RABEPK: variants seen among roughly 807,000 people sequenced by gnomAD.
The protein encoded by RABEPK is Rab9 effector protein with kelch motifs, also known as 40 kDa Rab9 effector protein.
In RABEPK, 27 loss-of-function variants were observed where a neutral mutation model predicts 34.1. That is an observed-to-expected ratio of 0.79 (90% CI 0.58 to 1.09). RABEPK has a LOEUF of 1.09. Among genes scored for constraint, RABEPK ranks in the 50% least tolerant of loss-of-function variants. The pLI is 0.00. For missense variants in RABEPK, 449 were observed against 462.6 expected, an observed-to-expected ratio of 0.97 and a Z score of 0.27; for synonymous variants, 172 against 169.2, an observed-to-expected ratio of 1.02 and a Z score of -0.13.
chr9:125,230,424 C>T (rs1832084868), intron 6 of RABEPK, among the ~76,000 whole-genome samples: 1 of 152,160 alleles, frequency 6.6e-6, no homozygotes, highest in Admixed American at 6.6e-5. Flanking sequence ...CAGCTGAGGC[C>T]AGGGGACACT....
At chr9:125,222,942 GA>G (rs895481276) in intron 5 of RABEPK, among the ~76,000 whole-genome samples, 4 of 151,748 alleles carry the variant, frequency 2.6e-5, no homozygotes, top group African/African-American at 9.7e-5. Context: ...AAAGTGCTGG[GA>G]TTACAGGCAT....
At chr9:125,203,809 G>A (rs1377376880) in intron 2 of RABEPK, among the ~76,000 whole-genome samples, 3 of 151,906 alleles carry the variant, frequency 2.0e-5, no homozygotes, top group African/African-American at 4.8e-5. Context: ...AAGGCGGGTG[G>A]ATCTCCTGAG....
At chr9:125,202,983 A>G in intron 1 of RABEPK, 25 bp from the exon 2 acceptor site, 1 of 1,604,684 alleles carries the variant, frequency 6.2e-7, no homozygotes, top group Non-Finnish European at 8.5e-7. Flanking sequence ...AGTGTCTAAA[A>G]AGTGCCTTTC....
At chr9:125,216,435 G>T (rs1830930330) in intron 4 of RABEPK, among the ~76,000 whole-genome samples, 1 of 151,426 alleles carries the variant, frequency 6.6e-6, no homozygotes, top group Admixed American at 6.6e-5. Flanking sequence ...AAAAACTATT[G>T]TACAATAGTT....
Position 125,233,536 on chromosome 9 carries a change from G to T in RABEPK, c.827-152G>T, listed in dbSNP as rs558937553. Reference sequence around the variant, plus strand: ...TTTTTGTATTTTTGGTAGAGACGGGGTTTCACCGTGTTAGCCAGGATGGTC... The same window carrying T: ...TTTTTGTATTTTTGGTAGAGACGGGTTTTCACCGTGTTAGCCAGGATGGTC... On this transcript the variant is annotated intron_variant, in intron 7 of 7. Coordinates refer to ENST00000373538, the MANE Select transcript of RABEPK (RefSeq NM_005833.4). 260 of 761,640 alleles carry T rather than the reference G, an allele frequency of 3.4e-4. No individual in the cohort carries two copies. The African/African-American group carries it at 4.2e-3, about 12-fold the overall frequency. 47.2% of individuals were successfully genotyped at this position (761,640 alleles called of 1,614,324 possible).
chr9:125,208,703 T>C (rs1830400584), intron 3 of RABEPK, among the ~76,000 whole-genome samples: 1 of 152,064 alleles, frequency 6.6e-6, no homozygotes, highest in Non-Finnish European at 1.5e-5. Context: ...ACCCAGCTAA[T>C]CTTTTGTATT....
chr9:125,207,835 C>A (rs472533), intron 3 of RABEPK, 114 bp downstream of exon 3: 623,372 of 1,336,406 alleles, frequency 0.47, 147,379 homozygotes, highest in East Asian at 0.63. Flanking sequence ...TATAAGAAAA[C>A]ATGGCCAGGA....
chr9:125,208,958 A>AC (rs962246256), intron 3 of RABEPK, among the ~76,000 whole-genome samples: 2 of 150,130 alleles, frequency 1.3e-5, no homozygotes, highest in Non-Finnish European at 3.0e-5. Context: ...TTCCAAGTTT[A>AC]CCCCCTATAC....
intron 6 of RABEPK, among the ~76,000 whole-genome samples, chr9:125,231,159 C>T (rs908877138): frequency 6.6e-6 from 1 of 151,728 alleles, no homozygotes; most frequent in Non-Finnish European, 1.5e-5. Context: ...AAAAATTAGC[C>T]GGGTGTGGCG....
At chr9:125,222,574 C>T (rs1022942774) in intron 5 of RABEPK, among the ~76,000 whole-genome samples, 11 of 151,360 alleles carry the variant, frequency 7.3e-5, no homozygotes, top group Admixed American at 2.6e-4. Flanking sequence ...ATTAACTGGG[C>T]GTGGTGACGC....
chr9:125,225,548 C>T (rs568551444), intron 5 of RABEPK, among the ~76,000 whole-genome samples: 18 of 150,918 alleles, frequency 1.2e-4, no homozygotes, highest in African/African-American at 4.1e-4. Context: ...TTAGGATGGG[C>T]GCAGTGGCTC....
At chr9:125,208,259 G>A (rs906612137) in intron 3 of RABEPK, among the ~76,000 whole-genome samples, 4 of 152,166 alleles carry the variant, frequency 2.6e-5, no homozygotes, top group Non-Finnish European at 4.4e-5. Context: ...AGCCCTGGTT[G>A]TCCAGCCATT....
In RABEPK at chr9:125,203,031, C is replaced by G; in HGVS notation, c.18C>G (p.Val6=). The change falls in exon 2 of 8, where the codon GTC becomes GTG. Residue 6 remains valine (V), a synonymous_variant. Coordinates refer to ENST00000373538, the MANE Select transcript of RABEPK (RefSeq NM_005833.4). MKQLP[V]LEPGDKPRKA... is the part of the protein sequence containing the mutation. Reference sequence around the variant, plus strand: ...AGGACACCATGAAGCAACTGCCAGTCTTGGAACCTGGAGACAAGCCCAGGA... The same window carrying G: ...AGGACACCATGAAGCAACTGCCAGTGTTGGAACCTGGAGACAAGCCCAGGA... 1 of 1,613,728 alleles carries G rather than the reference C, an allele frequency of 6.2e-7. No homozygotes were observed. The highest frequency in any genetic ancestry group is 8.5e-7 in the Non-Finnish European group (1 of 1,179,786).
chr9:125,233,544 G>T, intron 7 of RABEPK, 144 bp from the exon 8 acceptor site: 4 of 802,560 alleles, frequency 5.0e-6, no homozygotes, highest in East Asian at 2.6e-5. Context: ...GGGTTTCACC[G>T]TGTTAGCCAG....
At chr9:125,207,821 T>C in intron 3 of RABEPK, 100 bp downstream of exon 3, 1 of 1,443,674 alleles carries the variant, frequency 6.9e-7, no homozygotes, top group South Asian at 1.3e-5. Flanking sequence ...CAGCAGGGTT[T>C]TCCTATAAGA....
rs1427074231 is a variant in RABEPK, at chr9:125,220,643, G to A, written c.469G>A (p.Gly157Ser). The change falls in exon 5 of 8, where the codon GGC becomes AGC. Residue 157 changes from glycine to serine, a missense_variant. By Grantham distance (56) the Gly-to-Ser change is moderately conservative. Coordinates refer to ENST00000373538, the MANE Select transcript of RABEPK (RefSeq NM_005833.4). ...AIGNQLYVFG[G>S]GERGAQPVQD... is the part of the protein sequence containing the mutation. ...TGGAAACCAGCTATATGTCTTTGGG[G>A]GCGGAGAGAGAGGTGCCCAGCCCGT... 5.0e-6 allele frequency: 8 copies of A among 1,614,200 alleles called. No homozygotes were observed. The highest frequency in any genetic ancestry group is 1.3e-5 in the African/African-American group (1 of 75,066).
chr9:125,232,601 A>G lies in RABEPK; in HGVS notation c.682A>G (p.Met228Val), dbSNP rs1252717929. 3 of 1,611,434 alleles carry G rather than the reference A, an allele frequency of 1.9e-6. No homozygotes were observed. The highest frequency in any genetic ancestry group is 2.5e-6 in the Non-Finnish European group (3 of 1,178,762). ...CTCTTTCTTTCTCTTGGCAGGTGAC[A>G]TGAAATGGCAGAAGCTAAATCCCAC... ...DDLHCIDISDMKWQKLNPTGA... is the reference protein window; with the variant it reads ...DDLHCIDISDVKWQKLNPTGA... The change falls in exon 7 of 8, where the codon ATG (methionine) becomes GTG (valine). Residue 228 changes from methionine (M) to valine (V), a missense_variant. Met to Val is a conservative substitution (Grantham distance 21). Transcript: ENST00000373538.
At chr9:125,232,217 T>TACACACACACACAC (rs34676967) in intron 6 of RABEPK, among the ~76,000 whole-genome samples, 4 of 118,086 alleles carry the variant, frequency 3.4e-5, no homozygotes, top group African/African-American at 1.2e-4. Flanking sequence ...GTATTTAAAG[T>TACACACACACACAC]ACACACACAC....
At chr9:125,232,300 G>T (rs909869275) in intron 6 of RABEPK, among the ~76,000 whole-genome samples, 5 of 152,026 alleles carry the variant, frequency 3.3e-5, no homozygotes, top group Admixed American at 3.3e-4. Flanking sequence ...AGTTAATAGT[G>T]AATGGTTGAA....
Sources: allele counts gnomAD v4.1 joint callset (sites outside exome capture counted in the v4.1 genomes callset), GRCh38; gene constraint gnomAD v4.1.1; transcripts MANE v1.5; gene names NCBI Gene and HGNC (gene_info 2026-07-23, HGNC 2026-07-21).